Variants in SASH1 observed in about 807,000 individuals in gnomAD.
The protein encoded by SASH1 is SAM and SH3 domain-containing protein 1.
A neutral mutation model predicts 125.2 loss-of-function variants in SASH1; 44 were observed. The observed-to-expected ratio is 0.35, with a 90% CI of 0.28 to 0.45. The LOEUF (loss-of-function observed/expected upper bound fraction) is 0.45, where lower values mean the gene tolerates loss of function less well. Among genes scored for constraint, SASH1 ranks in the 20% least tolerant of loss-of-function variants. SASH1 has a pLI of 1.00. For missense variants in SASH1, 1,426 were observed against 1,614.5 expected, an observed-to-expected ratio of 0.88 and a Z score of 2.00; for synonymous variants, 639 against 649.1, an observed-to-expected ratio of 0.98 and a Z score of 0.24.
chr6:148,346,287 C>T (rs113065109), intron 1 of SASH1, among the ~76,000 whole-genome samples: 221 of 152,254 alleles, frequency 1.5e-3, no homozygotes, highest in African/African-American at 4.8e-3. Flanking sequence ...CATTAGGACA[C>T]ATTTTGCATT....
At chr6:148,224,251 A>G in the SASH1 span, among the ~76,000 whole-genome samples, 2 of 152,168 alleles carry the variant, frequency 1.3e-5, no homozygotes, top group Non-Finnish European at 2.9e-5. Context: ...AGCTATGATC[A>G]TGCAACTGCT....
At chr6:148,334,301 G>A (rs1193610389) in intron 1 of SASH1, among the ~76,000 whole-genome samples, 9 of 148,572 alleles carry the variant, frequency 6.1e-5, no homozygotes, top group Non-Finnish European at 1.0e-4. Context: ...GATGGCGGGC[G>A]CCTGTAGTCC....
At chr6:148,295,943 A>G (rs756612128) in intron 1 of SASH1, among the ~76,000 whole-genome samples, 12 of 152,192 alleles carry the variant, frequency 7.9e-5, no homozygotes, top group African/African-American at 2.9e-4. Flanking sequence ...AATTTTTCCA[A>G]ACAATGAAAC....
At position 148,534,912 on chromosome 6, in the gene SASH1, G is replaced by A. The variant is rs369152232; in HGVS notation, c.2095+11G>A. ...TACAAGAGTATGACAGTAAGTCCCT[G>A]TATGCACAGAGGTGTTCCCTGTGAG... On this transcript the variant is annotated intron_variant, in intron 16 of 19. Transcript: ENST00000367467. 1.9e-6 allele frequency: 3 copies of A among 1,614,010 alleles called. No individual in the cohort carries two copies. The highest frequency in any genetic ancestry group is 1.1e-5 in the South Asian group (1 of 91,082).
intron 6 of SASH1, among the ~76,000 whole-genome samples, chr6:148,471,708 G>C (rs529323007): frequency 4.6e-5 from 7 of 152,194 alleles, no homozygotes; most frequent in African/African-American, 9.6e-5. Context: ...AAAACAAAAG[G>C]GGACAAGTTC....
At chr6:148,338,313 G>A (rs34427665), upstream of SASH1, among the ~76,000 whole-genome samples, 41,742 of 151,338 alleles carry the variant, frequency 0.28, 5,767 homozygotes, top group Admixed American at 0.31. Flanking sequence ...TGTAATCCTA[G>A]CTACTGGGGA....
chr6:148,537,811 T>A (rs1781949265), intron 16 of SASH1, among the ~76,000 whole-genome samples: 1 of 136,538 alleles, frequency 7.3e-6, no homozygotes, highest in African/African-American at 2.7e-5. Context: ...TGTGTGTGTG[T>A]GTGTGTGTGT....
rs569987308 is a variant in SASH1, at chr6:148,496,209, A to C, written c.729+8494A>C. On this transcript the variant is annotated intron_variant, in intron 8 of 19. Coordinates refer to ENST00000367467, the MANE Select transcript of SASH1 (RefSeq NM_015278.5). ...TTTCTGAATAAGCGTTTTGCTTTTT[A>C]ATGGTGTTTACTTTTTTTTCCACTG... 1.1e-4 allele frequency among the ~76,000 whole-genome samples: 16 copies of C among 152,294 alleles called. 1 individual carries two copies. In the East Asian group the frequency reaches 3.1e-3, roughly 29 times the overall value.
chr6:148,484,646 T>TA (rs5880783), intron 7 of SASH1, among the ~76,000 whole-genome samples: 6 of 151,088 alleles, frequency 4.0e-5, no homozygotes, highest in Admixed American at 1.3e-4. Flanking sequence ...TTAGGATAAT[T>TA]AAAAAAAACA....
chr6:148,211,148 A>G, the SASH1 span, among the ~76,000 whole-genome samples: 2 of 152,216 alleles, frequency 1.3e-5, no homozygotes, highest in Non-Finnish European at 2.9e-5. Context: ...ACATTCATCC[A>G]GTGATTCATT....
At chr6:148,388,646 A>G (rs1358138688) in intron 1 of SASH1, among the ~76,000 whole-genome samples, 2 of 152,228 alleles carry the variant, frequency 1.3e-5, no homozygotes, top group Non-Finnish European at 2.9e-5. Flanking sequence ...CTGTAAAATC[A>G]GTGAATGCAG....
At chr6:148,382,518 G>T (rs1469420502) in intron 1 of SASH1, among the ~76,000 whole-genome samples, 1 of 152,148 alleles carries the variant, frequency 6.6e-6, no homozygotes, top group Non-Finnish European at 1.5e-5. Flanking sequence ...TCGAATTCCC[G>T]ACCTCAGGTG....
intron 8 of SASH1, among the ~76,000 whole-genome samples, chr6:148,494,575 C>A (rs958427386): frequency 6.6e-6 from 1 of 151,914 alleles, no homozygotes; most frequent in Admixed American, 6.6e-5. Flanking sequence ...TGCAGTGAGC[C>A]GAGATCACGC....
chr6:148,222,116 AC>A, the SASH1 span, among the ~76,000 whole-genome samples: 4 of 152,098 alleles, frequency 2.6e-5, no homozygotes, highest in Non-Finnish European at 5.9e-5. Flanking sequence ...TGTGTGGGGC[AC>A]CTTTGCTTTT....
intron 1 of SASH1, among the ~76,000 whole-genome samples, chr6:148,328,104 C>T (rs999784068): frequency 1.3e-5 from 2 of 152,066 alleles, no homozygotes; most frequent in South Asian, 2.1e-4. Flanking sequence ...CTCACACATG[C>T]GATTAGAGCA....
the SASH1 span, among the ~76,000 whole-genome samples, chr6:148,215,651 A>G: frequency 6.6e-6 from 1 of 152,154 alleles, no homozygotes; most frequent in African/African-American, 2.4e-5. Context: ...TCTACGAGGT[A>G]TCATAGAAAG....
At chr6:148,432,776 A>C (rs1036548557) in intron 2 of SASH1, among the ~76,000 whole-genome samples, 4 of 152,208 alleles carry the variant, frequency 2.6e-5, no homozygotes, top group African/African-American at 9.6e-5. Context: ...AGGAAGGTGG[A>C]GACAAAGTGG....
At chr6:148,463,370 C>A (rs1275395599) in intron 4 of SASH1, among the ~76,000 whole-genome samples, 1 of 152,122 alleles carries the variant, frequency 6.6e-6, no homozygotes, top group African/African-American at 2.4e-5. Flanking sequence ...GACTCGAACT[C>A]CTGACCTCAG....
At chr6:148,241,267 A>T in the SASH1 span, among the ~76,000 whole-genome samples, 1 of 152,200 alleles carries the variant, frequency 6.6e-6, no homozygotes, top group Non-Finnish European at 1.5e-5. Context: ...CTTCTCATCC[A>T]GGCTATGTAG....
Sources: allele counts gnomAD v4.1 joint callset (sites outside exome capture counted in the v4.1 genomes callset), GRCh38; gene constraint gnomAD v4.1.1; transcripts MANE v1.5; gene names NCBI Gene and HGNC (gene_info 2026-07-23, HGNC 2026-07-21).